PNLIP: variants seen among roughly 807,000 people sequenced by gnomAD.
PNLIP encodes the protein pancreatic lipase.
A neutral mutation model predicts 57.1 loss-of-function variants in PNLIP; 49 were observed. The observed-to-expected ratio is 0.86, with a 90% CI of 0.68 to 1.09. The LOEUF is 1.09. Among genes scored for constraint, PNLIP ranks in the 50% least tolerant of loss-of-function variants. The probability of loss-of-function intolerance (pLI) is 0.00; values close to 1 mark genes in which losing one functional copy is unlikely to be tolerated. For missense variants in PNLIP, 503 were observed against 570.2 expected (o/e 0.88, Z 1.20); for synonymous variants, 209 against 200.4 (o/e 1.04, Z -0.36).
chr10:116,555,534 T>C (rs1214495857), intron 8 of PNLIP, 27 bp downstream of exon 8: 1 of 1,605,840 alleles, frequency 6.2e-7, no homozygotes, highest in African/African-American at 1.3e-5. Flanking sequence ...TAGAAAGAGA[T>C]CTTCTTGGGA....
chr10:116,555,030 A>T, intron 6 of PNLIP, 148 bp from the exon 7 acceptor site: 1 of 876,824 alleles, frequency 1.1e-6, no homozygotes, highest in East Asian at 2.5e-5. Context: ...ATTCACTTTA[A>T]AGCAAATAGC....
At chr10:116,566,018 A>G (rs1423442270) in intron 12 of PNLIP, among the ~76,000 whole-genome samples, 2 of 152,196 alleles carry the variant, frequency 1.3e-5, no homozygotes, top group Non-Finnish European at 2.9e-5. Flanking sequence ...CATGTTGGCC[A>G]GGCTGGTCTC....
At chr10:116,549,539 T>C (rs2133198731) in intron 4 of PNLIP, among the ~76,000 whole-genome samples, 1 of 152,008 alleles carries the variant, frequency 6.6e-6, no homozygotes, top group East Asian at 1.9e-4. Flanking sequence ...CAGGTCTGCC[T>C]CTGGCTCAAA....
intron 12 of PNLIP, among the ~76,000 whole-genome samples, chr10:116,564,005 A>G (rs1386873522): frequency 1.3e-5 from 2 of 152,174 alleles, no homozygotes; most frequent in African/African-American, 2.4e-5. Context: ...ACAGAAAAAT[A>G]TATGTGAAGA....
In PNLIP at chr10:116,555,571, C is replaced by T. The variant is rs1847244877; in HGVS notation, c.811+64C>T. On this transcript the variant is annotated intron_variant, in intron 8 of 12. Coordinates refer to ENST00000369221, the MANE Select transcript of PNLIP (RefSeq NM_000936.4). ...AAAGCTTGTGTTTTGTTTTGCTAAA[C>T]TTGCTAAATTCTTTGGAATTGTACA... The T allele has an allele frequency of 1.2e-5, 19 of 1,556,854 alleles. No individual in the cohort carries two copies. In the South Asian group the frequency reaches 1.9e-4, roughly 16 times the overall value.
intron 6 of PNLIP, among the ~76,000 whole-genome samples, chr10:116,554,390 G>A (rs1284002780): frequency 6.6e-6 from 1 of 152,142 alleles, no homozygotes; most frequent in Non-Finnish European, 1.5e-5. Context: ...TAACCCCAGA[G>A]TTGTCAGGGA....
Position 116,556,085 on chromosome 10 carries a change from A to G in PNLIP, c.897A>G (p.Gly299=). 2 of 1,613,056 alleles carry G rather than the reference A, an allele frequency of 1.2e-6. No individual in the cohort carries two copies. The highest frequency in any genetic ancestry group is 1.7e-6 in the Non-Finnish European group (2 of 1,179,048). Residue 299 remains glycine (G), a synonymous_variant, in exon 9 of 13, where the codon GGA becomes GGG. Coordinates refer to ENST00000369221, the MANE Select transcript of PNLIP (RefSeq NM_000936.4). ...TCGTCAACCCTGATGGCTTTGCTGG[A>G]TTCCCCTGTGCCTCTTACAACGTCT... is the stretch of plus-strand genomic sequence containing the variant. ...DSIVNPDGFA[G]FPCASYNVFT... is the part of the protein sequence containing the mutation.
intron 4 of PNLIP, among the ~76,000 whole-genome samples, chr10:116,549,159 T>C (rs181947997): frequency 1.2e-4 from 18 of 152,022 alleles, no homozygotes; most frequent in African/African-American, 4.3e-4. Flanking sequence ...ACAAAGGGAG[T>C]AGTCCTTTCT....
At chr10:116,563,261 T>C (rs1237409101) in intron 12 of PNLIP, among the ~76,000 whole-genome samples, 1 of 152,176 alleles carries the variant, frequency 6.6e-6, no homozygotes, top group East Asian at 1.9e-4. Context: ...CCATTATATG[T>C]ACCAGTTGAG....
intron 5 of PNLIP, 89 bp from the exon 6 acceptor site, chr10:116,553,638 T>C: frequency 1.3e-6 from 1 of 758,446 alleles, no homozygotes; most frequent in Non-Finnish European, 2.3e-6. Context: ...TGAAATCGCT[T>C]GATGATGCAT....
chr10:116,551,576 A>T (rs192277728), intron 5 of PNLIP, among the ~76,000 whole-genome samples: 77 of 152,354 alleles, frequency 5.1e-4, no homozygotes, highest in African/African-American at 1.7e-3. Context: ...TGCTTTCTTA[A>T]GAGAAGCACG....
chr10:116,555,882 G>A, intron 8 of PNLIP, 118 bp from the exon 9 acceptor site: 1 of 692,288 alleles, frequency 1.4e-6, no homozygotes, highest in Non-Finnish European at 2.6e-6. Context: ...ACTTTGTTCT[G>A]TGACCTGCAT....
intron 5 of PNLIP, among the ~76,000 whole-genome samples, chr10:116,552,308 T>C (rs1373010768): frequency 6.6e-6 from 1 of 152,188 alleles, no homozygotes; most frequent in Non-Finnish European, 1.5e-5. Context: ...AGAAGACATG[T>C]TATCATAGGA....
At chr10:116,563,479 T>C (rs1289103156) in intron 12 of PNLIP, among the ~76,000 whole-genome samples, 3 of 152,160 alleles carry the variant, frequency 2.0e-5, no homozygotes, top group African/African-American at 7.2e-5. Flanking sequence ...TGTGAGATCC[T>C]GGTGCACCCA....
chr10:116,548,900 C>T (rs570892905), intron 4 of PNLIP, among the ~76,000 whole-genome samples: 78 of 152,288 alleles, frequency 5.1e-4, no homozygotes, highest in Non-Finnish European at 9.8e-4. Flanking sequence ...CTCGGATCTC[C>T]TCTGGTAGCA....
intron 4 of PNLIP, 77 bp downstream of exon 4, chr10:116,548,559 C>A: frequency 1.4e-6 from 2 of 1,468,326 alleles, no homozygotes; most frequent in African/African-American, 1.4e-5. Flanking sequence ...TGGCCCCGAC[C>A]AATGAGGACA....
rs866319981 is a variant in PNLIP at position 116,567,718 on chromosome 10, T to C, written c.1335-17T>C. 6.2e-7 allele frequency: 1 copy of C among 1,610,504 alleles called. No individual in the cohort carries two copies. The highest frequency in any genetic ancestry group is 8.5e-7 in the Non-Finnish European group (1 of 1,176,742). On this transcript the variant is annotated splice_polypyrimidine_tract_variant and intron_variant, in intron 12 of 12. Transcript: ENST00000369221. ...GCCAGGAAGAGGAGGTGACTTTGTGTTGTTTTTTCTCCACAGGTTCAACTT... is the reference window on the plus strand; with the variant it reads ...GCCAGGAAGAGGAGGTGACTTTGTGCTGTTTTTTCTCCACAGGTTCAACTT...
chr10:116,546,371 A>C (rs1589553160), intron 2 of PNLIP, among the ~76,000 whole-genome samples: 1 of 152,230 alleles, frequency 6.6e-6, no homozygotes, highest in East Asian at 1.9e-4. Context: ...ACAAACAACA[A>C]ATATGTGACA....
At position 116,555,370 on chromosome 10, in the gene PNLIP, G is replaced by T; in HGVS notation, c.692-18G>T. 1 of 1,614,108 alleles carries T rather than the reference G, an allele frequency of 6.2e-7. No individual in the cohort carries two copies. ...TATATACATTAGCATAAACCCTCAT[G>T]TATTTTTATGATTTCAGGGTTTGGA... On this transcript the variant is annotated intron_variant, in intron 7 of 12. Transcript: ENST00000369221.
Sources: allele counts gnomAD v4.1 joint callset (sites outside exome capture counted in the v4.1 genomes callset), GRCh38; gene constraint gnomAD v4.1.1; transcripts MANE v1.5; gene names NCBI Gene and HGNC (gene_info 2026-07-23, HGNC 2026-07-21).